MIGA1: variants seen among roughly 807,000 people sequenced by gnomAD.
The protein encoded by MIGA1 is mitoguardin 1.
MIGA1 carries 58 observed loss-of-function variants against 82.0 expected under a neutral mutation model. The observed-to-expected ratio is 0.71, with a 90% CI of 0.57 to 0.88. The LOEUF (loss-of-function observed/expected upper bound fraction) is 0.88. MIGA1 is among the 40% of genes least tolerant of loss of function. The pLI is 0.00. For synonymous variants in MIGA1, 249 were observed against 253.6 expected (o/e 0.98, Z 0.17); for missense variants, 751 against 749.1 (o/e 1.00, Z -0.03).
chr1:77,797,902 ACTT>A (rs1185601093), intron 2 of MIGA1, among the ~76,000 whole-genome samples: 1 of 151,996 alleles, frequency 6.6e-6, no homozygotes, highest in Non-Finnish European at 1.5e-5. Flanking sequence ...GAATAGTTTT[ACTT>A]CTTCCTTTCT....
intron 8 of MIGA1, among the ~76,000 whole-genome samples, chr1:77,855,686 A>G (rs1041172670): frequency 6.7e-6 from 1 of 148,180 alleles, no homozygotes; most frequent in African/African-American, 2.5e-5. Context: ...TCTTGATTTG[A>G]GTCTCTGCTT....
At chr1:77,820,337 C>T (rs964311148) in intron 7 of MIGA1, among the ~76,000 whole-genome samples, 2 of 152,110 alleles carry the variant, frequency 1.3e-5, no homozygotes, top group African/African-American at 4.8e-5. Flanking sequence ...GACGGATTAT[C>T]CTACATCTGT....
chr1:77,783,111 G>C (rs1290631757), intron 1 of MIGA1, 127 bp from the exon 2 acceptor site: 1 of 571,224 alleles, frequency 1.8e-6, no homozygotes, highest in African/African-American at 1.9e-5. Context: ...TTTAGCTCAA[G>C]TGTAATGTCA....
At chr1:77,869,561 C>T (rs367722499) in intron 14 of MIGA1, among the ~76,000 whole-genome samples, 4 of 139,764 alleles carry the variant, frequency 2.9e-5, no homozygotes, top group East Asian at 2.3e-4. Flanking sequence ...GGCGGCTGGC[C>T]GGGCGGGGGG....
At position 77,873,105 on chromosome 1, in the gene MIGA1, A is replaced by G. The variant is rs778086737; in HGVS notation, c.1665A>G (p.Leu555=). The change falls in exon 15 of 16, where the codon TTA becomes TTG. Residue 555 remains leucine, a synonymous_variant. Coordinates refer to ENST00000370791, the MANE Select transcript of MIGA1 (RefSeq NM_198549.4). ...GTCCTAGAAATTCTCTGTATGATTTATGTTGCTTTTTTAAGGTATGTTCAG... is the reference window on the plus strand; with the variant it reads ...GTCCTAGAAATTCTCTGTATGATTTGTGTTGCTTTTTTAAGGTATGTTCAG... 1 of 1,613,066 alleles carries G rather than the reference A, an allele frequency of 6.2e-7. No homozygotes were observed. The highest frequency in any genetic ancestry group is 1.7e-5 in the Admixed American group (1 of 59,994).
intron 14 of MIGA1, among the ~76,000 whole-genome samples, chr1:77,869,545 G>A (rs1161815948): frequency 7.2e-6 from 1 of 138,448 alleles, no homozygotes; most frequent in South Asian, 2.5e-4. Context: ...CTCACCTCCC[G>A]GATGGGGCGG....
At chr1:77,782,376 T>G (rs1681959591) in intron 1 of MIGA1, among the ~76,000 whole-genome samples, 1 of 152,186 alleles carries the variant, frequency 6.6e-6, no homozygotes, top group African/African-American at 2.4e-5. Flanking sequence ...GACTTATTAG[T>G]TCAGCTTCCT....
chr1:77,830,177 A>G (rs1684190446), intron 7 of MIGA1, among the ~76,000 whole-genome samples: 1 of 152,154 alleles, frequency 6.6e-6, no homozygotes, highest in Non-Finnish European at 1.5e-5. Context: ...TTGTATTTAT[A>G]GGTCAGCTGT....
chr1:77,831,851 T>C (rs1405161872), intron 7 of MIGA1, among the ~76,000 whole-genome samples: 2 of 152,180 alleles, frequency 1.3e-5, no homozygotes, highest in African/African-American at 4.8e-5. Context: ...AAGTTTAGGC[T>C]GCAAGACCTT....
chr1:77,799,910 C>CT (rs1682807672), intron 2 of MIGA1, among the ~76,000 whole-genome samples: 1 of 149,552 alleles, frequency 6.7e-6, no homozygotes, highest in Admixed American at 6.7e-5. Context: ...CTTTATAATG[C>CT]TTCCTATATC....
chr1:77,873,241 A>G, intron 15 of MIGA1, 121 bp downstream of exon 15: 1 of 1,004,658 alleles, frequency 1.0e-6, no homozygotes. Context: ...AAGTTATAAA[A>G]GTCACCTAAA....
intron 7 of MIGA1, among the ~76,000 whole-genome samples, chr1:77,833,144 A>C (rs193066016): frequency 6.6e-6 from 1 of 152,210 alleles, no homozygotes; most frequent in Non-Finnish European, 1.5e-5. Flanking sequence ...CCCCAAGTTG[A>C]AGCTCTGAGA....
chr1:77,814,120 C>T (rs563029460), intron 6 of MIGA1, among the ~76,000 whole-genome samples: 1 of 152,166 alleles, frequency 6.6e-6, no homozygotes, highest in Non-Finnish European at 1.5e-5. Context: ...AACTCCTGGC[C>T]TCAGGCAGCA....
intron 5 of MIGA1, among the ~76,000 whole-genome samples, chr1:77,813,216 A>T (rs943876165): frequency 6.6e-6 from 1 of 152,110 alleles, no homozygotes; most frequent in Non-Finnish European, 1.5e-5. Context: ...TCCTGACCTC[A>T]GGTGATCCAC....
intron 12 of MIGA1, among the ~76,000 whole-genome samples, chr1:77,863,173 C>T (rs1685535253): frequency 6.6e-6 from 1 of 152,150 alleles, no homozygotes; most frequent in South Asian, 2.1e-4. Flanking sequence ...CTAATTTTGT[C>T]AGTTTTAACT....
intron 8 of MIGA1, among the ~76,000 whole-genome samples, chr1:77,845,845 A>G (rs530628749): frequency 1.3e-5 from 2 of 152,152 alleles, no homozygotes; most frequent in South Asian, 2.1e-4. Flanking sequence ...AATTTCTGGT[A>G]TCGGTTTTTC....
At chr1:77,808,792 A>C (rs1683203428) in intron 5 of MIGA1, among the ~76,000 whole-genome samples, 1 of 152,196 alleles carries the variant, frequency 6.6e-6, no homozygotes, top group South Asian at 2.1e-4. Flanking sequence ...TGAGTGCCTC[A>C]GAATGCATTC....
chr1:77,781,562 TG>T (rs1681916190), intron 1 of MIGA1, among the ~76,000 whole-genome samples: 1 of 152,232 alleles, frequency 6.6e-6, no homozygotes, highest in African/African-American at 2.4e-5. Context: ...AGTCATTCTT[TG>T]CCCAGCTTTT....
At position 77,807,009 on chromosome 1, in the gene MIGA1, G is replaced by T. The variant is rs778773684; in HGVS notation, c.545G>T (p.Cys182Phe). ...GTCAATTCTTGTCATAGCTGCGCTT[G>T]TGGCAATTCTAATTCCTGGGACAAA... The change falls in exon 5 of 16, where the codon TGT becomes TTT. Residue 182 changes from cysteine to phenylalanine, a missense_variant. Physicochemically the swap from Cys to Phe is radical, Grantham distance 205. This residue lies in a region of MIGA1 where 482 missense variants were observed against 439.4 expected (regional missense o/e 1.10). Coordinates refer to ENST00000370791, the MANE Select transcript of MIGA1 (RefSeq NM_198549.4). 1 of 1,612,196 alleles carries T rather than the reference G, an allele frequency of 6.2e-7. No homozygotes were observed. Among genetic ancestry groups the T allele is most frequent in the South Asian group, 1.1e-5 (1 of 90,918 alleles).
Sources: gnomAD v4.1 joint callset for allele counts (sites outside exome capture counted in the v4.1 genomes callset) on GRCh38, gnomAD v4.1.1 for gene constraint, gnomAD v4.1.1 regional missense constraint, MANE v1.5 for transcripts, NCBI Gene and HGNC (gene_info 2026-07-23, HGNC 2026-07-21) for gene names.